DIS3L: variants seen among roughly 807,000 people sequenced by gnomAD.
DIS3L encodes the protein DIS3 like exosome 3'-5' exoribonuclease, also known as DIS3-like exonuclease 1.
DIS3L carries 100 observed loss-of-function variants against 120.3 expected under a neutral mutation model. The observed-to-expected ratio is 0.83, with a 90% CI of 0.71 to 0.98. The LOEUF is 0.98. Ranked by LOEUF, DIS3L falls within the 50% of genes least tolerant of loss-of-function variation. DIS3L has a pLI of 0.00. For synonymous variants in DIS3L, 426 were observed against 470.6 expected, an observed-to-expected ratio of 0.91 and a Z score of 1.23; for missense variants, 1,196 against 1,314.2, an observed-to-expected ratio of 0.91 and a Z score of 1.39.
At chr15:66,296,649 G>A (rs1323594830) in intron 2 of DIS3L, among the ~76,000 whole-genome samples, 1 of 151,578 alleles carries the variant, frequency 6.6e-6, no homozygotes, top group Non-Finnish European at 1.5e-5. Context: ...TCAGCCTCCT[G>A]AGTAGCTGGG....
chr15:66,331,993 C>T lies in DIS3L; in HGVS notation c.2654C>T (p.Thr885Ile), dbSNP rs745537644. Residue 885 changes from threonine (T) to isoleucine (I), a missense_variant, in exon 15 of 17, where the codon ACA (threonine) becomes ATA (isoleucine). Thr to Ile is a moderately conservative substitution (Grantham distance 89). Coordinates refer to ENST00000319212, the MANE Select transcript of DIS3L (RefSeq NM_001143688.3). ...GACGGAGTTATTTATTCAATTAGAACAAATGGTGTGCTTCTATTTATACCA... is the reference window on the plus strand; with the variant it reads ...GACGGAGTTATTTATTCAATTAGAATAAATGGTGTGCTTCTATTTATACCA... ...ISDGVIYSIRTNGVLLFIPRF... is the reference protein window; with the variant it reads ...ISDGVIYSIRINGVLLFIPRF... The T allele has an allele frequency of 6.2e-7, 1 of 1,611,284 alleles. No homozygotes were observed. Among genetic ancestry groups the T allele is most frequent in the Non-Finnish European group, 8.5e-7 (1 of 1,179,270 alleles).
intron 8 of DIS3L, 55 bp downstream of exon 8, chr15:66,318,673 T>C (rs1300715230): frequency 1.9e-6 from 3 of 1,560,300 alleles, no homozygotes; most frequent in Non-Finnish European, 2.6e-6. Flanking sequence ...CTTCTGTCTT[T>C]ACCAGCTTTT....
At chr15:66,296,395 T>G (rs1006860126) in intron 2 of DIS3L, among the ~76,000 whole-genome samples, 5 of 152,176 alleles carry the variant, frequency 3.3e-5, no homozygotes, top group African/African-American at 1.2e-4. Flanking sequence ...ATACTAAATG[T>G]GAAAACAAAA....
Position 66,320,657 on chromosome 15 carries a change from C to G in DIS3L, c.1251C>G (p.Ile417Met). 6.2e-7 allele frequency: 1 copy of G among 1,614,012 alleles called. No individual in the cohort carries two copies. The highest frequency in any genetic ancestry group is 8.5e-7 in the Non-Finnish European group (1 of 1,179,998). The change falls in exon 9 of 17, where the codon ATC becomes ATG. Residue 417 changes from isoleucine to methionine, a missense_variant. By Grantham distance (10) the Ile-to-Met change is conservative. Transcript: ENST00000319212. ...ATTTTGTGCGTGTTTTAGGAAGAAT[C>G]GGAGATCTGGAAGGGGAAATTGCAA... ...NGHFVRVLGR[I>M]GDLEGEIATI...
At chr15:66,332,348 C>A (rs182788728) in intron 15 of DIS3L, among the ~76,000 whole-genome samples, 43 of 151,570 alleles carry the variant, frequency 2.8e-4, no homozygotes, top group African/African-American at 1.0e-3. Context: ...TCCCAGCTAC[C>A]TGGGAGGCTG....
At chr15:66,295,220 G>A in intron 2 of DIS3L, 79 bp downstream of exon 2, 1 of 1,372,374 alleles carries the variant, frequency 7.3e-7, no homozygotes, top group Non-Finnish European at 9.9e-7. Context: ...GGAGGGGGAT[G>A]GGAGGAATTC....
chr15:66,325,488 T>C (rs995862860), intron 11 of DIS3L, among the ~76,000 whole-genome samples: 2 of 152,252 alleles, frequency 1.3e-5, no homozygotes, highest in Admixed American at 6.5e-5. Context: ...AGTCTAACTT[T>C]GTTGTTTTAA....
intron 7 of DIS3L, among the ~76,000 whole-genome samples, chr15:66,317,344 G>GA (rs1555403133): frequency 0.013 from 1,017 of 78,996 alleles, 10 homozygotes; most frequent in Non-Finnish European, 0.018. Flanking sequence ...AATATTTGTG[G>GA]GAAAAAAAAA....
chr15:66,294,934 T>TTG, intron 1 of DIS3L, 54 bp from the exon 2 acceptor site: 1 of 1,513,474 alleles, frequency 6.6e-7, no homozygotes, highest in Non-Finnish European at 8.9e-7. Flanking sequence ...GACATTTAAA[T>TTG]AAACCAGGTT....
intron 7 of DIS3L, among the ~76,000 whole-genome samples, chr15:66,315,906 A>G (rs907895): frequency 0.99 from 150,193 of 152,186 alleles, 74,140 homozygotes; most frequent in East Asian, 1. Context: ...AGCATTTGGC[A>G]GGGGCCCTCT....
intron 14 of DIS3L, chr15:66,329,665 A>C (rs976777347): frequency 1.8e-6 from 2 of 1,105,038 alleles, no homozygotes; most frequent in African/African-American, 3.3e-5. Context: ...CAGAGGCCAG[A>C]CGTGGTGGCT....
chr15:66,312,481 G>A (rs1297342879), intron 5 of DIS3L, among the ~76,000 whole-genome samples: 1 of 152,118 alleles, frequency 6.6e-6, no homozygotes, highest in African/African-American at 2.4e-5. Flanking sequence ...AATGCCTCCT[G>A]TCACTAGAAA....
chr15:66,314,487 A>G (rs2092797357), intron 6 of DIS3L, among the ~76,000 whole-genome samples: 1 of 152,166 alleles, frequency 6.6e-6, no homozygotes, highest in Non-Finnish European at 1.5e-5. Context: ...AATAAAAATG[A>G]AAAAATGTGT....
intron 8 of DIS3L, among the ~76,000 whole-genome samples, chr15:66,319,018 C>T (rs996076693): frequency 3.9e-5 from 6 of 152,156 alleles, no homozygotes; most frequent in Admixed American, 2.6e-4. Context: ...GTCTCAAACT[C>T]CTGACCTCAT....
chr15:66,298,553 G>A (rs2092614626), intron 2 of DIS3L, among the ~76,000 whole-genome samples: 1 of 152,210 alleles, frequency 6.6e-6, no homozygotes, highest in Admixed American at 6.5e-5. Context: ...ACAATGGAAA[G>A]ACACAGCCTT....
rs894448660 is a variant in DIS3L at position 66,294,062 on chromosome 15, C to A, written c.139+327C>A. On this transcript the variant is annotated intron_variant, in intron 1 of 16. Transcript: ENST00000319212. ...GGGCGCGGAAGCCGAGGCCTCCTCC[C>A]GCCGCAACCTCGCGCCGTGGAGAAA... is the stretch of plus-strand genomic sequence containing the variant. The A allele has an allele frequency of 5.1e-6, 5 of 986,630 alleles. No individual in the cohort carries two copies. The South Asian group carries it at 1.4e-4, about 28-fold the overall frequency. The allele number at this position is 986,630 out of a possible 1,614,324, so 61.1% of individuals were successfully genotyped here.
rs1184202043 is a variant in DIS3L at position 66,322,715 on chromosome 15, A to C, written c.1355A>C (p.Glu452Ala). ...TGTGAGATGCCAGTAAACACACCAG[A>C]AAGTCCCTGGAAGGTGAGTCCTGAA... ...QMCEMPVNTP[E>A]SPWKVSPEEE... is the part of the protein sequence containing the mutation. Residue 452 changes from glutamate to alanine, a missense_variant, in exon 10 of 17, where the codon GAA becomes GCA. Glu to Ala is a moderately radical substitution (Grantham distance 107). Coordinates refer to ENST00000319212, the MANE Select transcript of DIS3L (RefSeq NM_001143688.3). The C allele has an allele frequency of 6.2e-7, 1 of 1,614,092 alleles. No homozygotes were observed. The highest frequency in any genetic ancestry group is 1.7e-5 in the Admixed American group (1 of 60,004).
intron 12 of DIS3L, among the ~76,000 whole-genome samples, chr15:66,328,272 C>G (rs898559869): frequency 6.6e-6 from 1 of 152,238 alleles, no homozygotes; most frequent in African/African-American, 2.4e-5. Context: ...CCTTGCCTCT[C>G]TGTTCATCAT....
chr15:66,293,953 G>T (rs1180914082), intron 1 of DIS3L: 6 of 994,658 alleles, frequency 6.0e-6, no homozygotes, highest in Non-Finnish European at 7.2e-6. Context: ...CTCCCTTACT[G>T]CTCCGCCCTG....
Sources: allele counts gnomAD v4.1 joint callset (sites outside exome capture counted in the v4.1 genomes callset), GRCh38; gene constraint gnomAD v4.1.1; transcripts MANE v1.5; gene names NCBI Gene and HGNC (gene_info 2026-07-23, HGNC 2026-07-21).